The following AGMO variants were observed in gnomAD, a reference collection of about 807,000 sequenced individuals.
AGMO encodes the protein alkylglycerol monooxygenase.
Under a neutral mutation model 60.2 loss-of-function variants are expected in AGMO, and 75 were observed. That is an observed-to-expected ratio of 1.25 (90% confidence interval 1.03 to 1.51). The LOEUF (loss-of-function observed/expected upper bound fraction) is 1.51, where lower values mean the gene tolerates loss of function less well. Ranked by LOEUF, AGMO falls within the 40% of genes most tolerant of loss-of-function variation. AGMO has a pLI of 0.00. For synonymous variants in AGMO, 261 were observed against 177.1 expected (o/e 1.47, Z -3.76); for missense variants, 763 against 525.5 (o/e 1.45, Z -4.42).
intron 3 of AGMO, among the ~76,000 whole-genome samples, chr7:15,471,954 A>G (rs1404192754): frequency 1.3e-5 from 2 of 151,928 alleles, no homozygotes; most frequent in East Asian, 3.9e-4. Flanking sequence ...ACTGTTGCCC[A>G]GAGACCAGAG....
At chr7:15,393,518 AATG>A (rs1784235901) in intron 6 of AGMO, among the ~76,000 whole-genome samples, 2 of 152,060 alleles carry the variant, frequency 1.3e-5, no homozygotes, top group African/African-American at 2.4e-5. Context: ...TATCACAAAT[AATG>A]ATGATATGCA....
chr7:15,274,089 C>T (rs1396171684), intron 12 of AGMO, among the ~76,000 whole-genome samples: 11 of 152,190 alleles, frequency 7.2e-5, no homozygotes, highest in Non-Finnish European at 8.8e-5. Context: ...TTGACTTCCT[C>T]TTTTCCTAAT....
At chr7:15,135,827 T>G in the AGMO span, among the ~76,000 whole-genome samples, 1 of 152,066 alleles carries the variant, frequency 6.6e-6, no homozygotes, top group South Asian at 2.1e-4. Flanking sequence ...TGAGGACTTT[T>G]TTTTTCCTTT....
At chr7:15,363,445 T>C (rs1261344772) in intron 12 of AGMO, among the ~76,000 whole-genome samples, 1 of 152,190 alleles carries the variant, frequency 6.6e-6, no homozygotes, top group African/African-American at 2.4e-5. Flanking sequence ...CCTACTTAGA[T>C]GGATGTTATA....
intron 10 of AGMO, among the ~76,000 whole-genome samples, chr7:15,383,455 G>C (rs1488376449): frequency 1.3e-5 from 2 of 151,730 alleles, no homozygotes; most frequent in African/African-American, 4.9e-5. Flanking sequence ...TAACACTCCT[G>C]CCTAAAAGTC....
chr7:15,344,815 T>G (rs897777988), intron 12 of AGMO, among the ~76,000 whole-genome samples: 1 of 151,840 alleles, frequency 6.6e-6, no homozygotes, highest in African/African-American at 2.4e-5. Flanking sequence ...TTTCATCAGT[T>G]GAATATATCC....
chr7:15,322,226 T>C (rs531493725), intron 12 of AGMO, among the ~76,000 whole-genome samples: 9 of 148,796 alleles, frequency 6.0e-5, no homozygotes, highest in South Asian at 4.2e-4. Context: ...GATAAATATA[T>C]AATATAATGT....
intron 12 of AGMO, among the ~76,000 whole-genome samples, chr7:15,360,291 C>G (rs1782699216): frequency 6.6e-6 from 1 of 152,158 alleles, no homozygotes; most frequent in South Asian, 2.1e-4. Flanking sequence ...AATAAGTACA[C>G]TCGACCCTTG....
At chr7:15,132,297 T>C in the AGMO span, among the ~76,000 whole-genome samples, 78 of 152,258 alleles carry the variant, frequency 5.1e-4, no homozygotes, top group African/African-American at 1.7e-3. Flanking sequence ...CAGGCACTAC[T>C]CTCAGAGTTG....
At chr7:15,370,053 G>GC (rs1269204797) in intron 10 of AGMO, among the ~76,000 whole-genome samples, 6 of 151,936 alleles carry the variant, frequency 3.9e-5, no homozygotes, top group Admixed American at 2.6e-4. Context: ...TCCAACTTTT[G>GC]CCCCCCTCCT....
At chr7:15,373,554 G>C (rs1455552572) in intron 10 of AGMO, among the ~76,000 whole-genome samples, 1 of 152,020 alleles carries the variant, frequency 6.6e-6, no homozygotes. Context: ...TTCTTGAAGA[G>C]GACTATCACT....
At chr7:15,319,221 T>A (rs574586046) in intron 12 of AGMO, among the ~76,000 whole-genome samples, 110 of 152,252 alleles carry the variant, frequency 7.2e-4, no homozygotes, top group South Asian at 5.2e-3. Context: ...GATAAAATAA[T>A]TTTAAAATAT....
chr7:15,370,861 T>C (rs1783181529), intron 10 of AGMO, among the ~76,000 whole-genome samples: 1 of 152,198 alleles, frequency 6.6e-6, no homozygotes, highest in Non-Finnish European at 1.5e-5. Context: ...CTGTTGATAG[T>C]TTCTTTTGCT....
Position 15,560,088 on chromosome 7 carries a change from A to G in AGMO, c.257+53T>C, listed in dbSNP as rs1785261941. ...CATGCATTGGGTTCCTTTGCCCCTC[A>G]TACTTAGGCAATTTCAGTTTTTATG... On this transcript the variant is annotated intron_variant, in intron 2 of 12. Coordinates refer to ENST00000342526, the MANE Select transcript of AGMO (RefSeq NM_001004320.2). 6 of 1,452,090 alleles carry G rather than the reference A, an allele frequency of 4.1e-6. No individual in the cohort carries two copies. The African/African-American group carries it at 4.3e-5, about 10-fold the overall frequency. The allele number at this position is 1,452,090 out of a possible 1,614,324, so 90.0% of individuals were successfully genotyped here. A position where few individuals can be genotyped will look rare whatever the true frequency, so the allele number is the denominator to read the frequency against.
At chr7:15,543,699 G>A (rs935724694) in intron 3 of AGMO, among the ~76,000 whole-genome samples, 1 of 151,898 alleles carries the variant, frequency 6.6e-6, no homozygotes, top group Non-Finnish European at 1.5e-5. Context: ...AATAATGGAA[G>A]GCAGTATATT....
intron 3 of AGMO, among the ~76,000 whole-genome samples, chr7:15,504,190 TGC>T (rs1783453608): frequency 6.6e-6 from 1 of 152,034 alleles, no homozygotes; most frequent in South Asian, 2.1e-4. Flanking sequence ...GCATACCAAC[TGC>T]AGAAATAATG....
the AGMO span, among the ~76,000 whole-genome samples, chr7:15,118,989 G>GT: frequency 0.47 from 67,092 of 142,912 alleles, 15,645 homozygotes; most frequent in South Asian, 0.56. Flanking sequence ...AGCTATTGGG[G>GT]TTTTTTTTTC....
At chr7:15,467,612 A>G (rs1583582733) in intron 3 of AGMO, among the ~76,000 whole-genome samples, 3 of 152,160 alleles carry the variant, frequency 2.0e-5, no homozygotes. Context: ...TTACACCCCA[A>G]CACTGTTTCT....
At chr7:15,238,039 C>G (rs1190820678) in intron 12 of AGMO, among the ~76,000 whole-genome samples, 2 of 152,036 alleles carry the variant, frequency 1.3e-5, no homozygotes, top group African/African-American at 4.8e-5. Context: ...ATTGACCAGC[C>G]TCTCCCTTAA....
Sources: gnomAD v4.1 joint callset for allele counts (sites outside exome capture counted in the v4.1 genomes callset) on GRCh38, gnomAD v4.1.1 for gene constraint, MANE v1.5 for transcripts, NCBI Gene and HGNC (gene_info 2026-07-23, HGNC 2026-07-21) for gene names.